NUP37: variants seen among roughly 807,000 people sequenced by gnomAD.
The protein encoded by NUP37 is nucleoporin 37.
Under a neutral mutation model 45.4 loss-of-function variants are expected in NUP37, and 33 were observed. The observed-to-expected ratio is 0.73, with a 90% CI of 0.55 to 0.97. The LOEUF is 0.97. Ranked by LOEUF, NUP37 falls within the 50% of genes least tolerant of loss-of-function variation. NUP37 has a pLI of 0.00. For missense variants in NUP37, 365 were observed against 389.7 expected, an observed-to-expected ratio of 0.94 and a Z score of 0.53; for synonymous variants, 127 against 130.7, an observed-to-expected ratio of 0.97 and a Z score of 0.19.
chr12:102,084,294 G>C (rs1879408620), intron 6 of NUP37, among the ~76,000 whole-genome samples: 2 of 152,162 alleles, frequency 1.3e-5, no homozygotes, highest in African/African-American at 4.8e-5. Flanking sequence ...TGCTTGTTAT[G>C]ATTAACGAAA....
chr12:102,074,284 G>A lies in NUP37; in HGVS notation c.*70C>T. On this transcript the variant is annotated 3_prime_UTR_variant, in exon 10 of 10. Coordinates refer to ENST00000552283, the MANE Select transcript of NUP37 (RefSeq NM_024057.4). The stretch of plus-strand genomic sequence containing the variant: ...TTGATATAAAAATTCTTCAAAATAT[G>A]TACTATAGAAATTCTTCAAAATATG... The A allele has an allele frequency of 1.2e-6, 1 of 864,012 alleles. No individual in the cohort carries two copies. Among genetic ancestry groups the A allele is most frequent in the South Asian group, 1.6e-5 (1 of 62,186 alleles). The allele number at this position is 864,012 out of a possible 1,614,324, so 53.5% of individuals were successfully genotyped here.
intron 6 of NUP37, among the ~76,000 whole-genome samples, chr12:102,081,870 T>C (rs1879341323): frequency 6.6e-6 from 1 of 152,118 alleles, no homozygotes; most frequent in African/African-American, 2.4e-5. Flanking sequence ...TTTGCATTTT[T>C]AGTAGAGATG....
intron 2 of NUP37, among the ~76,000 whole-genome samples, chr12:102,116,480 G>T (rs956078949): frequency 6.6e-6 from 1 of 152,120 alleles, no homozygotes; most frequent in Non-Finnish European, 1.5e-5. Context: ...CCATGTCCAT[G>T]TAAGTCAGGC....
Position 102,101,013 on chromosome 12 carries a change from T to C in NUP37, c.354+19A>G, listed in dbSNP as rs773748582. On this transcript the variant is annotated intron_variant, in intron 4 of 9. Transcript: ENST00000552283. ...CGTTTTAAAATAAGCTCTAAAGATT[T>C]ATATGGTTGTCAACATACCTTATAT... The C allele has an allele frequency of 1.1e-5, 15 of 1,387,954 alleles. No homozygotes were observed. The highest frequency in any genetic ancestry group is 1.5e-5 in the Non-Finnish European group (15 of 1,008,770). The allele number at this position is 1,387,954 out of a possible 1,614,324, so 86.0% of individuals were successfully genotyped here.
intron 6 of NUP37, 68 bp from the exon 7 acceptor site, chr12:102,077,571 G>A: frequency 7.2e-7 from 1 of 1,383,376 alleles, no homozygotes; most frequent in East Asian, 2.3e-5. Context: ...AGTGTAAGCA[G>A]AGATTCACTG....
intron 5 of NUP37, among the ~76,000 whole-genome samples, chr12:102,089,329 C>G (rs1311707702): frequency 2.8e-5 from 4 of 141,100 alleles, no homozygotes; most frequent in Admixed American, 1.4e-4. Flanking sequence ...GGGTGGCGGC[C>G]GGGCAGAGGC....
intron 3 of NUP37, among the ~76,000 whole-genome samples, chr12:102,101,827 C>T (rs1393698949): frequency 2.6e-5 from 4 of 151,968 alleles, no homozygotes; most frequent in Admixed American, 1.3e-4. Flanking sequence ...CAGGTTCAAA[C>T]GATTCTCCTA....
Position 102,113,239 on chromosome 12 carries a change from C to T in NUP37, c.157-1007G>A, listed in dbSNP as rs563433950. Among the ~76,000 whole-genome samples the T allele has an allele frequency of 1.4e-4, 22 of 152,270 alleles. 1 individual carries two copies. In the South Asian group the frequency reaches 4.6e-3, roughly 32 times the overall value. Reference sequence around the variant, plus strand: ...AAGAGAGAAGAGACAAATCCTAGTGCCTGCACAAGGAAGGATGCCAGATCA... The same window carrying T: ...AAGAGAGAAGAGACAAATCCTAGTGTCTGCACAAGGAAGGATGCCAGATCA... On this transcript the variant is annotated intron_variant, in intron 2 of 9. Coordinates refer to ENST00000552283, the MANE Select transcript of NUP37 (RefSeq NM_024057.4).
intron 8 of NUP37, among the ~76,000 whole-genome samples, chr12:102,075,483 G>C (rs757145632): frequency 6.6e-6 from 1 of 152,130 alleles, no homozygotes; most frequent in Non-Finnish European, 1.5e-5. Flanking sequence ...CACCTAGACA[G>C]AAACAGGTTT....
At chr12:102,105,489 C>T (rs750935054) in intron 3 of NUP37, among the ~76,000 whole-genome samples, 2 of 152,140 alleles carry the variant, frequency 1.3e-5, no homozygotes, top group African/African-American at 2.4e-5. Context: ...GATATCATGC[C>T]ATTGCACTCC....
chr12:102,089,849 TACTCCTGACAG>T (rs1318917376), intron 5 of NUP37, among the ~76,000 whole-genome samples: 3 of 152,256 alleles, frequency 2.0e-5, no homozygotes, highest in African/African-American at 7.2e-5. Context: ...ATATTCATTC[TACTCCTGACAG>T]ACATTTAGGT....
chr12:102,111,818 T>G (rs1166462248), intron 3 of NUP37, among the ~76,000 whole-genome samples: 1 of 152,248 alleles, frequency 6.6e-6, no homozygotes, highest in African/African-American at 2.4e-5. Context: ...AATAAAGTTG[T>G]AAATTCAGTG....
intron 3 of NUP37, among the ~76,000 whole-genome samples, chr12:102,106,562 A>C (rs1048369504): frequency 3.9e-5 from 6 of 152,346 alleles, no homozygotes; most frequent in African/African-American, 1.4e-4. Flanking sequence ...GTATTAATAA[A>C]TGAAAGCACT....
chr12:102,078,724 T>C (rs896757915), intron 6 of NUP37, among the ~76,000 whole-genome samples: 1 of 152,228 alleles, frequency 6.6e-6, no homozygotes, highest in African/African-American at 2.4e-5. Context: ...CTCAATGTAA[T>C]GCTTGACAAA....
rs201191648 is a variant in NUP37, at chr12:102,101,029, T to C, written c.354+3A>G. The C allele has an allele frequency of 2.0e-5, 29 of 1,468,808 alleles. No homozygotes were observed. In the Admixed American group the frequency reaches 3.6e-4, roughly 18 times the overall value. 91.0% of individuals were successfully genotyped at this position (1,468,808 alleles called of 1,614,324 possible). On this transcript the variant is annotated splice_donor_region_variant and intron_variant, in intron 4 of 9. Transcript: ENST00000552283. ...CTAAAGATTTATATGGTTGTCAACA[T>C]ACCTTATATTCATTTTTATCCTGAA...
intron 2 of NUP37, among the ~76,000 whole-genome samples, chr12:102,114,784 T>C (rs938690868): frequency 6.6e-6 from 1 of 152,100 alleles, no homozygotes; most frequent in Non-Finnish European, 1.5e-5. Context: ...AACCCCTCTC[T>C]GAACACTTCC....
intron 6 of NUP37, among the ~76,000 whole-genome samples, chr12:102,078,658 G>A (rs1423348862): frequency 6.6e-6 from 1 of 152,162 alleles, no homozygotes. Flanking sequence ...GAGATGGGAG[G>A]ATAAGAATGG....
intron 3 of NUP37, among the ~76,000 whole-genome samples, chr12:102,104,004 T>G (rs555510822): frequency 6.6e-6 from 1 of 152,258 alleles, no homozygotes; most frequent in African/African-American, 2.4e-5. Context: ...ATACTGCAAG[T>G]TAGGTAATTC....
At chr12:102,074,897 G>T in intron 9 of NUP37, 104 bp downstream of exon 9, 1 of 586,262 alleles carries the variant, frequency 1.7e-6, no homozygotes, top group Non-Finnish European at 2.9e-6. Context: ...AAACGTAAAT[G>T]TCTTCAGTCA....
Sources: allele counts gnomAD v4.1 joint callset (sites outside exome capture counted in the v4.1 genomes callset), GRCh38; gene constraint gnomAD v4.1.1; transcripts MANE v1.5; gene names NCBI Gene and HGNC (gene_info 2026-07-23, HGNC 2026-07-21).